CAPN9: variants seen among roughly 807,000 people sequenced by gnomAD.
CAPN9 encodes calpain 9, also known as calpain-9.
A neutral mutation model predicts 92.8 loss-of-function variants in CAPN9; 81 were observed. That is an observed-to-expected ratio of 0.87 (90% CI 0.73 to 1.05). CAPN9 has a LOEUF of 1.05. Ranked by LOEUF, CAPN9 falls within the 50% of genes least tolerant of loss-of-function variation. The probability of loss-of-function intolerance (pLI) is 0.00; values close to 1 mark genes in which losing one functional copy is unlikely to be tolerated. For missense variants in CAPN9, 848 were observed against 866.2 expected (o/e 0.98, Z 0.26); for synonymous variants, 304 against 328.0 (o/e 0.93, Z 0.79).
intron 7 of CAPN9, among the ~76,000 whole-genome samples, chr1:230,774,009 C>G (rs886331009): frequency 6.6e-6 from 1 of 152,238 alleles, no homozygotes; most frequent in Admixed American, 6.5e-5. Context: ...CCTGAGCCCT[C>G]TTATCTGCAG....
At chr1:230,769,657 CTATCT>C (rs1666256877) in intron 6 of CAPN9, among the ~76,000 whole-genome samples, 1 of 131,166 alleles carries the variant, frequency 7.6e-6, no homozygotes, top group African/African-American at 2.7e-5. Flanking sequence ...ATCTATCTAT[CTATCT>C]ATCTATCTAT....
At chr1:230,775,033 G>T (rs904948681) in intron 8 of CAPN9, among the ~76,000 whole-genome samples, 1 of 151,920 alleles carries the variant, frequency 6.6e-6, no homozygotes, top group Non-Finnish European at 1.5e-5. Flanking sequence ...GAGCCACCAC[G>T]CCCAGCCTTC....
intron 11 of CAPN9, among the ~76,000 whole-genome samples, chr1:230,783,632 T>C (rs1224545064): frequency 1.3e-5 from 2 of 152,210 alleles, no homozygotes; most frequent in Non-Finnish European, 2.9e-5. Context: ...CCATGCTTCT[T>C]TGTAAAGCCA....
At chr1:230,791,653 G>T (rs547211216) in intron 14 of CAPN9, among the ~76,000 whole-genome samples, 5 of 152,216 alleles carry the variant, frequency 3.3e-5, no homozygotes, top group African/African-American at 1.2e-4. Context: ...GGATGAAGGC[G>T]TATTCCCACT....
chr1:230,751,227 T>G (rs1664737376), intron 1 of CAPN9, among the ~76,000 whole-genome samples: 1 of 152,154 alleles, frequency 6.6e-6, no homozygotes, highest in Non-Finnish European at 1.5e-5. Context: ...GCTGCTCCCC[T>G]GACCCCCAGG....
intron 2 of CAPN9, among the ~76,000 whole-genome samples, chr1:230,757,309 C>T (rs1317863665): frequency 1.3e-5 from 2 of 152,172 alleles, no homozygotes; most frequent in African/African-American, 2.4e-5. Flanking sequence ...ACCTCTCCCC[C>T]TCTTCCTCTG....
At chr1:230,796,593 C>T (rs1668375516) in intron 18 of CAPN9, among the ~76,000 whole-genome samples, 1 of 151,994 alleles carries the variant, frequency 6.6e-6, no homozygotes. Flanking sequence ...CCAGCAGGCC[C>T]CAAAGGGTCT....
At chr1:230,756,252 C>T (rs756240835) in intron 2 of CAPN9, among the ~76,000 whole-genome samples, 5 of 151,508 alleles carry the variant, frequency 3.3e-5, no homozygotes, top group African/African-American at 1.2e-4. Flanking sequence ...ACACAAGATC[C>T]AAAGTCACAA....
chr1:230,756,080 A>G (rs918778972), intron 2 of CAPN9, among the ~76,000 whole-genome samples: 1 of 151,610 alleles, frequency 6.6e-6, no homozygotes, highest in Non-Finnish European at 1.5e-5. Context: ...TGAGAGAGCG[A>G]GAGACTTTCT....
chr1:230,794,763 C>T (rs541525248), intron 17 of CAPN9, among the ~76,000 whole-genome samples: 3 of 152,272 alleles, frequency 2.0e-5, no homozygotes, highest in African/African-American at 7.2e-5. Flanking sequence ...ACATAGAACG[C>T]GAGGGGAGGC....
intron 8 of CAPN9, among the ~76,000 whole-genome samples, chr1:230,775,563 C>T (rs1247510992): frequency 3.3e-5 from 5 of 152,136 alleles, no homozygotes; most frequent in Non-Finnish European, 7.3e-5. Flanking sequence ...GGCTCTATTC[C>T]CTTTCATGTG....
chr1:230,792,776 G>A (rs979754884), intron 16 of CAPN9, 74 bp from the exon 17 acceptor site: 1 of 1,287,490 alleles, frequency 7.8e-7, no homozygotes, highest in Non-Finnish European at 1.1e-6. Flanking sequence ...CGGGCTGGCT[G>A]TCACCCATTT....
chr1:230,751,765 A>C lies in CAPN9; in HGVS notation c.214-3572A>C, dbSNP rs554757492. 1.9e-4 allele frequency among the ~76,000 whole-genome samples: 29 copies of C among 151,412 alleles called. No homozygotes were observed. The South Asian group carries it at 4.0e-3, about 21-fold the overall frequency. On this transcript the variant is annotated intron_variant, in intron 1 of 19. Coordinates refer to ENST00000271971, the MANE Select transcript of CAPN9 (RefSeq NM_006615.3). ...CTTCGGCTGAGCCCCGATGATGTAC[A>C]AGGTAAACAGAACAGTCCCTGAAAG...
chr1:230,756,468 G>A lies in CAPN9; in HGVS notation c.283+1062G>A, dbSNP rs946083654. Among the ~76,000 whole-genome samples, 9 of 152,340 alleles carry A rather than the reference G, an allele frequency of 5.9e-5. No individual in the cohort carries two copies. The South Asian group carries it at 1.9e-3, about 32-fold the overall frequency. ...CATACAAAATAAATATATAATAATAGATAGATGGTAGTAAATAATGATAGG... is the reference window on the plus strand; with the variant it reads ...CATACAAAATAAATATATAATAATAAATAGATGGTAGTAAATAATGATAGG... On this transcript the variant is annotated intron_variant, in intron 2 of 19. Coordinates refer to ENST00000271971, the MANE Select transcript of CAPN9 (RefSeq NM_006615.3).
intron 14 of CAPN9, 97 bp downstream of exon 14, chr1:230,790,286 G>T (rs983267718): frequency 1.4e-6 from 2 of 1,471,910 alleles, no homozygotes; most frequent in African/African-American, 1.4e-5. Flanking sequence ...CCGCAGATCT[G>T]CTTCCCAGGG....
intron 1 of CAPN9, among the ~76,000 whole-genome samples, chr1:230,754,844 G>T (rs1352265408): frequency 6.6e-6 from 1 of 152,124 alleles, no homozygotes; most frequent in East Asian, 1.9e-4. Flanking sequence ...AATCCACTTT[G>T]TGGGGGAAGG....
intron 18 of CAPN9, among the ~76,000 whole-genome samples, chr1:230,797,580 T>C (rs1480128635): frequency 6.6e-6 from 1 of 152,080 alleles, no homozygotes; most frequent in African/African-American, 2.4e-5. Flanking sequence ...ACCCGAGAGA[T>C]TCTCAAGTGA....
At chr1:230,769,055 G>A (rs868407540) in intron 5 of CAPN9, 125 bp from the exon 6 acceptor site, 7 of 742,280 alleles carry the variant, frequency 9.4e-6, no homozygotes, top group African/African-American at 3.5e-5. Context: ...CACGCACATG[G>A]CCTGCACCTG....
At chr1:230,777,698 TTG>T (rs28359678) in intron 8 of CAPN9, among the ~76,000 whole-genome samples, 5,869 of 151,616 alleles carry the variant, frequency 0.039, 377 homozygotes, top group African/African-American at 0.13. Context: ...AACCCTGATC[TTG>T]CCAGGGACGC....
Sources: gnomAD v4.1 joint callset for allele counts (sites outside exome capture counted in the v4.1 genomes callset) on GRCh38, gnomAD v4.1.1 for gene constraint, MANE v1.5 for transcripts, NCBI Gene and HGNC (gene_info 2026-07-23, HGNC 2026-07-21) for gene names.